The following AP3B1 variants were observed in gnomAD, a reference collection of about 807,000 sequenced individuals.
AP3B1 encodes the protein AP-3 complex subunit beta-1.
A neutral mutation model predicts 132.5 loss-of-function variants in AP3B1; 61 were observed. The observed-to-expected ratio is 0.46, with a 90% CI of 0.37 to 0.57. The LOEUF (loss-of-function observed/expected upper bound fraction) is 0.57, where lower values mean the gene tolerates loss of function less well. AP3B1 is among the 20% of genes least tolerant of loss of function. The pLI, the probability that AP3B1 is intolerant of heterozygous loss-of-function variation, is 0.00. For missense variants in AP3B1, 1,120 were observed against 1,289.4 expected (o/e 0.87, Z 2.01); for synonymous variants, 388 against 438.3 (o/e 0.89, Z 1.43).
At chr5:78,095,970 A>G (rs953836533) in intron 21 of AP3B1, among the ~76,000 whole-genome samples, 1 of 152,212 alleles carries the variant, frequency 6.6e-6, no homozygotes, top group Non-Finnish European at 1.5e-5. Context: ...TTTCATTTCA[A>G]TTCTTAAAAA....
rs540423954 is a variant in AP3B1, at chr5:78,113,061, G to A, written c.2249+691C>T. ...GTCTGTAATAAAAGGAGCAGAGAGC[G>A]TACTGCGCCCCAATCAGTGCTGTCA... On this transcript the variant is annotated intron_variant, in intron 19 of 26. Transcript: ENST00000255194. Among the ~76,000 whole-genome samples, 18 of 152,314 alleles carry A rather than the reference G, an allele frequency of 1.2e-4. 1 individual carries two copies. The East Asian group carries it at 1.9e-3, about 16-fold the overall frequency.
intron 1 of AP3B1, among the ~76,000 whole-genome samples, chr5:78,277,525 C>T (rs1748833662): frequency 6.6e-6 from 1 of 152,134 alleles, no homozygotes; most frequent in Admixed American, 6.5e-5. Flanking sequence ...TAAAGTAAGA[C>T]TGGGTGATCA....
In AP3B1 at chr5:78,026,995, G is replaced by A. The variant is rs182405469; in HGVS notation, c.2895-6206C>T. Among the ~76,000 whole-genome samples, 9 of 152,136 alleles carry A rather than the reference G, an allele frequency of 5.9e-5. No homozygotes were observed. The East Asian group carries it at 7.7e-4, about 13-fold the overall frequency. On this transcript the variant is annotated intron_variant, in intron 24 of 26. Coordinates refer to ENST00000255194, the MANE Select transcript of AP3B1 (RefSeq NM_003664.5). Reference sequence around the variant, plus strand: ...TTTTCATTGATTGTGAGAGCTACACGTTCTGGTTTTTAAACTTTTTTCTGC... The same window carrying A: ...TTTTCATTGATTGTGAGAGCTACACATTCTGGTTTTTAAACTTTTTTCTGC...
At position 78,128,114 on chromosome 5, in the gene AP3B1, A is replaced by C; in HGVS notation, c.1884T>G (p.Ile628Met). 1 of 1,612,844 alleles carries C rather than the reference A, an allele frequency of 6.2e-7. No individual in the cohort carries two copies. Residue 628 changes from isoleucine (I) to methionine (M), a missense_variant, in exon 17 of 27, where the codon ATT (isoleucine) becomes ATG (methionine). Physicochemically the swap from Ile to Met is conservative, Grantham distance 10. Coordinates refer to ENST00000255194, the MANE Select transcript of AP3B1 (RefSeq NM_003664.5). ...QLGTLSHTLN[I>M]KATGYLELSN... Reference sequence around the variant, plus strand: ...ATAATTCCAGGTACCCAGTAGCTTTAATGTTGAGAGTATGAGATAAGGTGC... The same window carrying C: ...ATAATTCCAGGTACCCAGTAGCTTTCATGTTGAGAGTATGAGATAAGGTGC...
chr5:78,085,267 A>AG (rs1750189717), intron 22 of AP3B1, among the ~76,000 whole-genome samples: 1 of 152,222 alleles, frequency 6.6e-6, no homozygotes. Flanking sequence ...CTAATGTTAC[A>AG]GGCAAGATGG....
chr5:78,098,139 A>G (rs1011776213), intron 21 of AP3B1, among the ~76,000 whole-genome samples: 1 of 151,152 alleles, frequency 6.6e-6, no homozygotes, highest in East Asian at 1.9e-4. Context: ...GGACACAAAC[A>G]CTGCGGAAGG....
intron 7 of AP3B1, among the ~76,000 whole-genome samples, chr5:78,213,758 G>A (rs542395984): frequency 1.2e-4 from 18 of 152,284 alleles, no homozygotes; most frequent in African/African-American, 4.1e-4. Context: ...AAGAGGTTAC[G>A]AGAAGGGAAC....
At chr5:78,195,247 CTGA>C (rs1561470468) in intron 7 of AP3B1, among the ~76,000 whole-genome samples, 1 of 152,132 alleles carries the variant, frequency 6.6e-6, no homozygotes, top group Non-Finnish European at 1.5e-5. Flanking sequence ...CAGCCATGAG[CTGA>C]TGAACAGTGC....
chr5:78,213,914 T>G (rs1230248500), intron 7 of AP3B1, among the ~76,000 whole-genome samples: 1 of 152,182 alleles, frequency 6.6e-6, no homozygotes, highest in African/African-American at 2.4e-5. Flanking sequence ...GAAATCAAAT[T>G]CAACGCTGCA....
rs1300905190 is a variant in AP3B1, at chr5:78,110,295, T to C, written c.2309A>G (p.Asp770Gly). ...EKSKTSDSSN[D>G]ESSSIEDSSS... The stretch of plus-strand genomic sequence containing the variant: ...ACTGTCTTCTATTGAACTAGATTCG[T>C]CATTTGAAGAATCTGAAGTTTTAGA... Residue 770 changes from aspartate to glycine, a missense_variant, in exon 20 of 27, where the codon GAC becomes GGC. By Grantham distance (94) the Asp-to-Gly change is moderately conservative (BLOSUM62 -1). This residue lies in a region of AP3B1 where 906 missense variants were observed against 997.1 expected (regional missense o/e 0.91). Transcript: ENST00000255194. The C allele has an allele frequency of 6.2e-7, 1 of 1,609,676 alleles. No individual in the cohort carries two copies. Among genetic ancestry groups the C allele is most frequent in the Non-Finnish European group, 8.5e-7 (1 of 1,177,218 alleles).
intron 25 of AP3B1, among the ~76,000 whole-genome samples, chr5:78,017,822 G>A (rs1453235970): frequency 1.3e-5 from 2 of 151,936 alleles, no homozygotes; most frequent in African/African-American, 2.4e-5. Context: ...AAAAACTGTA[G>A]GCTAAATAAT....
At chr5:78,116,658 A>C (rs1026330663) in intron 17 of AP3B1, among the ~76,000 whole-genome samples, 1 of 152,134 alleles carries the variant, frequency 6.6e-6, no homozygotes, top group African/African-American at 2.4e-5. Flanking sequence ...GTAGGCAATA[A>C]ATTGCCCTAA....
chr5:78,014,498 A>G (rs892367975), intron 26 of AP3B1, among the ~76,000 whole-genome samples: 1 of 152,196 alleles, frequency 6.6e-6, no homozygotes, highest in African/African-American at 2.4e-5. Context: ...AGTTAGATCT[A>G]AAACCCAAAT....
Position 78,002,736 on chromosome 5 carries a change from C to T in AP3B1, c.*166G>A, listed in dbSNP as rs1281402252. The T allele has an allele frequency of 3.7e-6, 3 of 803,788 alleles. No individual in the cohort carries two copies. The highest frequency in any genetic ancestry group is 6.4e-6 in the Non-Finnish European group (3 of 470,952). The allele number at this position is 803,788 out of a possible 1,614,324, so 49.8% of individuals were successfully genotyped here. A position where few individuals can be genotyped will look rare whatever the true frequency, so the allele number is the denominator to read the frequency against. The stretch of plus-strand genomic sequence containing the variant: ...GCAAAAAGGGGGAAAGTATTGCATA[C>T]ATGATAGATACACACTAGCATTCTA... On this transcript the variant is annotated 3_prime_UTR_variant, in exon 27 of 27. Transcript: ENST00000255194.
intron 15 of AP3B1, among the ~76,000 whole-genome samples, chr5:78,137,196 G>C (rs1306012760): frequency 6.6e-6 from 1 of 152,184 alleles, no homozygotes; most frequent in Non-Finnish European, 1.5e-5. Flanking sequence ...CTTTGAATGA[G>C]TACAGGATTT....
chr5:78,144,357 A>G (rs1053350618), intron 14 of AP3B1, among the ~76,000 whole-genome samples: 11 of 152,204 alleles, frequency 7.2e-5, no homozygotes, highest in African/African-American at 1.4e-4. Flanking sequence ...TTCCTAGCTC[A>G]CCACAGCAGC....
chr5:78,002,646 A>G lies in AP3B1; in HGVS notation c.*256T>C. On this transcript the variant is annotated 3_prime_UTR_variant, in exon 27 of 27. Transcript: ENST00000255194. ...GCCAAAAGAAGCAGCAGGACAGAGA[A>G]AACGCCACATGGATTCAAGAGTTGA... 1.7e-6 allele frequency: 1 copy of G among 601,520 alleles called. No homozygotes were observed. Among genetic ancestry groups the G allele is most frequent in the Non-Finnish European group, 2.9e-6 (1 of 339,094 alleles). 37.3% of individuals were successfully genotyped at this position (601,520 alleles called of 1,614,324 possible). A position where few individuals can be genotyped will look rare whatever the true frequency, so the allele number is the denominator to read the frequency against.
chr5:78,181,654 T>G lies in AP3B1; in HGVS notation c.795A>C (p.Glu265Asp). Residue 265 changes from glutamate (E) to aspartate (D), a missense_variant, in exon 8 of 27, where the codon GAA becomes GAC. Glu to Asp is a conservative substitution (Grantham distance 45). Transcript: ENST00000255194. ...QFVSPWKEGD[E>D]LEDNGKNFYE... Reference sequence around the variant, plus strand: ...AGAAATTCTTTCCATTGTCTTCTAATTCATCACCCTACAATGAAAGAAATC... The same window carrying G: ...AGAAATTCTTTCCATTGTCTTCTAAGTCATCACCCTACAATGAAAGAAATC... 1 of 1,612,030 alleles carries G rather than the reference T, an allele frequency of 6.2e-7. No individual in the cohort carries two copies. Among genetic ancestry groups the G allele is most frequent in the Non-Finnish European group, 8.5e-7 (1 of 1,179,428 alleles).
chr5:78,097,333 TG>T lies in AP3B1; in HGVS notation c.2470+3619del, dbSNP rs1209364506. 4.2e-5 allele frequency among the ~76,000 whole-genome samples: 4 copies of T among 94,546 alleles called. 1 individual carries two copies. Among genetic ancestry groups the T allele is most frequent in the African/African-American group, 1.3e-4 (3 of 23,700 alleles). 62.0% of individuals were successfully genotyped at this position (94,546 alleles called of 152,430 possible). A position where few individuals can be genotyped will look rare whatever the true frequency, so the allele number is the denominator to read the frequency against. ...CCAGCAGCCCCGTCCGGGAGGGAGG[TG>T]GGGGGGTCAGCCCCCTGCCCGGCCA... On this transcript the variant is annotated intron_variant, in intron 21 of 26. Coordinates refer to ENST00000255194, the MANE Select transcript of AP3B1 (RefSeq NM_003664.5).
Sources: gnomAD v4.1 joint callset for allele counts (sites outside exome capture counted in the v4.1 genomes callset) on GRCh38, gnomAD v4.1.1 for gene constraint, gnomAD v4.1.1 regional missense constraint, MANE v1.5 for transcripts, NCBI Gene and HGNC (gene_info 2026-07-23, HGNC 2026-07-21) for gene names.